The following RYR3 variants were observed in gnomAD, a reference collection of about 807,000 sequenced individuals.
RYR3 encodes the protein ryanodine receptor 3, also known as brain ryanodine receptor-calcium release channel.
Under a neutral mutation model 584.3 loss-of-function variants are expected in RYR3, and 207 were observed. The ratio of observed to expected loss-of-function variants is 0.35; its 90% CI spans 0.32 to 0.40. The LOEUF (loss-of-function observed/expected upper bound fraction) is 0.40, where lower values mean the gene tolerates loss of function less well. Among genes scored for constraint, RYR3 ranks in the 10% least tolerant of loss-of-function variants. The probability of loss-of-function intolerance (pLI) is 1.00; values close to 1 mark genes in which losing one functional copy is unlikely to be tolerated. For synonymous variants in RYR3, 2,416 were observed against 2,248.5 expected, an observed-to-expected ratio of 1.07 and a Z score of -2.11; for missense variants, 5,616 against 6,089.2, an observed-to-expected ratio of 0.92 and a Z score of 2.59.
chr15:33,411,053 G>A (rs557435805), intron 1 of RYR3, among the ~76,000 whole-genome samples: 2 of 152,212 alleles, frequency 1.3e-5, no homozygotes, highest in South Asian at 4.2e-4. Flanking sequence ...TGACACATGG[G>A]TATTATTACA....
intron 20 of RYR3, among the ~76,000 whole-genome samples, chr15:33,628,120 A>C (rs1283893620): frequency 3.9e-5 from 6 of 152,246 alleles, no homozygotes; most frequent in Non-Finnish European, 8.8e-5. Context: ...TCTAAACTTC[A>C]AAAGAGACCA....
intron 3 of RYR3, among the ~76,000 whole-genome samples, chr15:33,526,668 G>A (rs1218843293): frequency 6.6e-6 from 1 of 150,640 alleles, no homozygotes; most frequent in Admixed American, 6.6e-5. Flanking sequence ...TCTGTAAGAT[G>A]AAACCAAAAC....
rs1260694295 is a variant in RYR3 at position 33,662,517 on chromosome 15, C to T, written c.4987C>T (p.Pro1663Ser). Residue 1663 changes from proline (P) to serine (S), a missense_variant, in exon 35 of 104, where the codon CCC becomes TCC. By Grantham distance (74) the Pro-to-Ser change is moderately conservative. Coordinates refer to ENST00000634891, the MANE Select transcript of RYR3 (RefSeq NM_001036.6). Reference protein sequence around the residue: ...PGVGLRTCLKPGFRFSTPCFV... With the variant: ...PGVGLRTCLKSGFRFSTPCFV... ...GGTGGGCCTGAGAACATGTCTCAAG[C>T]CCGGGTTCAGGTTCTCCACCCCTTG... The T allele has an allele frequency of 2.5e-6, 4 of 1,613,904 alleles. No individual in the cohort carries two copies. The highest frequency in any genetic ancestry group is 3.4e-6 in the Non-Finnish European group (4 of 1,179,898).
At chr15:33,685,399 T>A (rs1177164341) in intron 38 of RYR3, among the ~76,000 whole-genome samples, 1 of 152,118 alleles carries the variant, frequency 6.6e-6, no homozygotes, top group Non-Finnish European at 1.5e-5. Flanking sequence ...GAGCTAACTA[T>A]CCTAAATATA....
At chr15:33,708,842 C>T (rs1274770852) in intron 43 of RYR3, among the ~76,000 whole-genome samples, 1 of 152,146 alleles carries the variant, frequency 6.6e-6, no homozygotes, top group Non-Finnish European at 1.5e-5. Flanking sequence ...GCACGTGGCC[C>T]CTGCTGCTGT....
chr15:33,739,698 T>C (rs1692317161), intron 50 of RYR3, 134 bp from the exon 51 acceptor site: 1 of 639,518 alleles, frequency 1.6e-6, no homozygotes, highest in Non-Finnish European at 2.6e-6. Flanking sequence ...TTTAAGGGGT[T>C]ACACATTTCC....
intron 38 of RYR3, among the ~76,000 whole-genome samples, chr15:33,683,245 T>C (rs2064758778): frequency 6.6e-6 from 1 of 152,028 alleles, no homozygotes; most frequent in African/African-American, 2.4e-5. Flanking sequence ...CCACCTGCCT[T>C]GGCCTCCCAA....
intron 102 of RYR3, among the ~76,000 whole-genome samples, chr15:33,863,735 C>G (rs1458247477): frequency 1.3e-5 from 2 of 152,200 alleles, no homozygotes; most frequent in Non-Finnish European, 2.9e-5. Context: ...TCTTGAGACA[C>G]ACACATAATT....
intron 1 of RYR3, among the ~76,000 whole-genome samples, chr15:33,449,922 G>T (rs1344514816): frequency 6.6e-6 from 1 of 152,046 alleles, no homozygotes; most frequent in African/African-American, 2.4e-5. Context: ...AAGTAGAATG[G>T]GGACTGGATG....
chr15:33,722,612 G>A (rs968230997), intron 43 of RYR3, 103 bp from the exon 44 acceptor site: 2 of 1,147,508 alleles, frequency 1.7e-6, no homozygotes, highest in East Asian at 2.4e-5. Flanking sequence ...AACAGAGTAG[G>A]TGATAAGCTG....
chr15:33,821,614 T>C lies in RYR3; in HGVS notation c.10995+12T>C. The stretch of plus-strand genomic sequence containing the variant: ...CTGGTGTGCAACAGGTAACGGGAAC[T>C]TGCAGCGGCTGGGCAGGCTCCCGGG... On this transcript the variant is annotated intron_variant, in intron 80 of 103. Coordinates refer to ENST00000634891, the MANE Select transcript of RYR3 (RefSeq NM_001036.6). The C allele has an allele frequency of 6.8e-6, 11 of 1,613,298 alleles. No homozygotes were observed. Among genetic ancestry groups the C allele is most frequent in the Non-Finnish European group, 9.3e-6 (11 of 1,179,450 alleles).
At chr15:33,708,157 T>TA (rs1385535159) in intron 43 of RYR3, among the ~76,000 whole-genome samples, 1 of 152,232 alleles carries the variant, frequency 6.6e-6, no homozygotes, top group Admixed American at 6.5e-5. Context: ...TATCCTCTAA[T>TA]AGCCTGGTTC....
Position 33,660,340 on chromosome 15 carries a change from G to C in RYR3, c.4539G>C (p.Glu1513Asp). ...ACAGCTTCCTGAAGGTGGAGACCGAGCGTGTGAGCGAGCGCCACGGCTGGG... is the reference window on the plus strand; with the variant it reads ...ACAGCTTCCTGAAGGTGGAGACCGACCGTGTGAGCGAGCGCCACGGCTGGG... ...MPNSFLKVET[E>D]RVSERHGWVV... Residue 1513 changes from glutamate (E) to aspartate (D), a missense_variant, in exon 34 of 104, where the codon GAG becomes GAC. Around this residue, in one of 9 missense-constraint regions of RYR3, gnomAD observed 753 missense variants for 741.0 expected, o/e 1.02. Coordinates refer to ENST00000634891, the MANE Select transcript of RYR3 (RefSeq NM_001036.6). 6.3e-7 allele frequency: 1 copy of C among 1,592,462 alleles called. No individual in the cohort carries two copies. The highest frequency in any genetic ancestry group is 8.5e-7 in the Non-Finnish European group (1 of 1,169,900).
intron 2 of RYR3, among the ~76,000 whole-genome samples, chr15:33,495,576 T>A (rs2051344465): frequency 6.6e-6 from 1 of 152,228 alleles, no homozygotes; most frequent in African/African-American, 2.4e-5. Flanking sequence ...AATGTATATA[T>A]GGATTCTATT....
At chr15:33,553,117 ATC>A (rs1014249081) in intron 10 of RYR3, among the ~76,000 whole-genome samples, 8 of 152,152 alleles carry the variant, frequency 5.3e-5, no homozygotes, top group Non-Finnish European at 7.4e-5. Context: ...GGAGACAGTC[ATC>A]TGTTTTCTAT....
At chr15:33,707,123 G>C (rs2066773931) in intron 43 of RYR3, 69 bp downstream of exon 43, 2 of 1,549,560 alleles carry the variant, frequency 1.3e-6, no homozygotes, top group African/African-American at 2.7e-5. Flanking sequence ...ACAAGGAAAA[G>C]GATATCCTTT....
rs2152490846 is a variant in RYR3, at chr15:33,566,667, C to G, written c.1147-11C>G. The G allele has an allele frequency of 6.2e-7, 1 of 1,613,528 alleles. No individual in the cohort carries two copies. The highest frequency in any genetic ancestry group is 8.5e-7 in the Non-Finnish European group (1 of 1,179,538). ...GTAACCTAGAGCTCCCGTCCCTTGC[C>G]CTGTGGGTAGGTCATACTCCATCAG... On this transcript the variant is annotated splice_polypyrimidine_tract_variant and intron_variant, in intron 11 of 103. Transcript: ENST00000634891.
At chr15:33,434,686 C>T (rs890136438) in intron 1 of RYR3, among the ~76,000 whole-genome samples, 1 of 152,104 alleles carries the variant, frequency 6.6e-6, no homozygotes, top group African/African-American at 2.4e-5. Context: ...TAACTGTGTG[C>T]CCCTCCCCAG....
intron 1 of RYR3, among the ~76,000 whole-genome samples, chr15:33,393,942 T>C (rs1353044875): frequency 6.6e-6 from 1 of 152,232 alleles, no homozygotes; most frequent in African/African-American, 2.4e-5. Flanking sequence ...ATGAGATAGA[T>C]GTTGACATCC....
Sources: gnomAD v4.1 joint callset for allele counts (sites outside exome capture counted in the v4.1 genomes callset) on GRCh38, gnomAD v4.1.1 for gene constraint, gnomAD v4.1.1 regional missense constraint, MANE v1.5 for transcripts, NCBI Gene and HGNC (gene_info 2026-07-23, HGNC 2026-07-21) for gene names.